Variants in ADAMTSL1 observed in about 807,000 individuals in gnomAD.
ADAMTSL1 encodes the protein ADAMTS-like protein 1.
Under a neutral mutation model 201.8 loss-of-function variants are expected in ADAMTSL1, and 126 were observed. That is an observed-to-expected ratio of 0.62 (90% CI 0.54 to 0.72). The LOEUF (loss-of-function observed/expected upper bound fraction) is 0.72. Ranked by LOEUF, ADAMTSL1 falls within the 30% of genes least tolerant of loss-of-function variation. The pLI, the probability that ADAMTSL1 is intolerant of heterozygous loss-of-function variation, is 0.00. For synonymous variants in ADAMTSL1, 1,121 were observed against 903.4 expected, an observed-to-expected ratio of 1.24 and a Z score of -4.32; for missense variants, 2,679 against 2,277.8, an observed-to-expected ratio of 1.18 and a Z score of -3.59.
intron 1 of ADAMTSL1, among the ~76,000 whole-genome samples, chr9:18,089,173 A>G (rs530542973): frequency 1.1e-3 from 161 of 152,222 alleles, no homozygotes; most frequent in Non-Finnish European, 2.0e-3. Context: ...AAAAAAGAAA[A>G]CAAAAAATTT....
intron 4 of ADAMTSL1, among the ~76,000 whole-genome samples, chr9:18,586,875 G>A (rs1354085162): frequency 1.3e-5 from 2 of 152,058 alleles, no homozygotes; most frequent in African/African-American, 2.4e-5. Context: ...AATGGTGCTG[G>A]GATAACTGGC....
At chr9:18,887,729 TTG>T in intron 23 of ADAMTSL1, 100 bp from the exon 24 acceptor site, 1 of 1,046,240 alleles carries the variant, frequency 9.6e-7, no homozygotes. Context: ...CAAGGCCACA[TTG>T]TGTGTACAAT....
At chr9:18,500,093 C>A (rs958814181) in intron 1 of ADAMTSL1, among the ~76,000 whole-genome samples, 2 of 152,190 alleles carry the variant, frequency 1.3e-5, no homozygotes, top group Admixed American at 6.5e-5. Flanking sequence ...CATAGGAGGT[C>A]ATTCTAAGGT....
At chr9:18,576,347 T>C (rs181307182) in intron 4 of ADAMTSL1, among the ~76,000 whole-genome samples, 11 of 152,210 alleles carry the variant, frequency 7.2e-5, no homozygotes, top group African/African-American at 2.6e-4. Flanking sequence ...GGGAGGTAGT[T>C]TGGGAGAGAA....
intron 2 of ADAMTSL1, among the ~76,000 whole-genome samples, chr9:18,321,279 T>C (rs1028819857): frequency 1.3e-5 from 2 of 152,152 alleles, no homozygotes; most frequent in African/African-American, 4.8e-5. Context: ...CATATGAACT[T>C]AGTAACAAAA....
At position 18,889,559 on chromosome 9, in the gene ADAMTSL1, C is replaced by A. The variant is rs775344145; in HGVS notation, c.4463-9C>A. The A allele has an allele frequency of 6.2e-7, 1 of 1,613,276 alleles. No individual in the cohort carries two copies. Among genetic ancestry groups the A allele is most frequent in the African/African-American group, 1.3e-5 (1 of 74,886 alleles). On this transcript the variant is annotated splice_polypyrimidine_tract_variant and intron_variant, in intron 24 of 28. Coordinates refer to ENST00000380548, the MANE Select transcript of ADAMTSL1 (RefSeq NM_001040272.6). The stretch of plus-strand genomic sequence containing the variant: ...ATTCTTTTCTACACTGCTCCTCCTC[C>A]CATGACAGATTACTGGTGGTCTGTG...
At chr9:18,579,405 T>G in intron 4 of ADAMTSL1, among the ~76,000 whole-genome samples, 2 of 144,540 alleles carry the variant, frequency 1.4e-5, no homozygotes, top group South Asian at 2.3e-4. Context: ...AGATGACGAG[T>G]TAGTGGGTGC....
At chr9:18,477,221 G>A (rs994354771) in intron 1 of ADAMTSL1, among the ~76,000 whole-genome samples, 4 of 152,204 alleles carry the variant, frequency 2.6e-5, no homozygotes, top group African/African-American at 9.7e-5. Context: ...TACACTTGAA[G>A]TCAAATCACT....
chr9:18,852,664 A>C (rs1179263705), intron 23 of ADAMTSL1, among the ~76,000 whole-genome samples: 1 of 152,204 alleles, frequency 6.6e-6, no homozygotes, highest in Admixed American at 6.5e-5. Flanking sequence ...TTCGCCTACT[A>C]AGGAATCAAA....
chr9:18,843,366 C>A lies in ADAMTSL1; in HGVS notation c.4249+13389C>A, dbSNP rs1187777015. ...TTAAGAATGTTGAATATTGGTCCCCCCTCTCTTCTGGCTTGTAGAGTTTCT... is the reference window on the plus strand; with the variant it reads ...TTAAGAATGTTGAATATTGGTCCCCACTCTCTTCTGGCTTGTAGAGTTTCT... On this transcript the variant is annotated intron_variant, in intron 23 of 28. Coordinates refer to ENST00000380548, the MANE Select transcript of ADAMTSL1 (RefSeq NM_001040272.6). Among the ~76,000 whole-genome samples, 327 of 150,120 alleles carry A rather than the reference C, an allele frequency of 2.2e-3. 11 individuals are homozygous for A. Among genetic ancestry groups the A allele is most frequent in the African/African-American group, 7.8e-3 (309 of 39,534 alleles).
intron 1 of ADAMTSL1, among the ~76,000 whole-genome samples, chr9:18,142,226 T>C (rs1379704736): frequency 2.0e-5 from 3 of 152,110 alleles, no homozygotes; most frequent in Non-Finnish European, 2.9e-5. Flanking sequence ...GCTTCTGTTG[T>C]TCCATGCTCC....
intron 2 of ADAMTSL1, among the ~76,000 whole-genome samples, chr9:18,450,625 T>A (rs1820367926): frequency 1.3e-5 from 2 of 151,942 alleles, no homozygotes; most frequent in South Asian, 4.1e-4. Context: ...TGTGCATATG[T>A]GTGTATACAC....
intron 1 of ADAMTSL1, among the ~76,000 whole-genome samples, chr9:18,024,918 G>T (rs1325895948): frequency 6.6e-6 from 1 of 151,910 alleles, no homozygotes; most frequent in Non-Finnish European, 1.5e-5. Context: ...CCACAGCCTT[G>T]CCAGCCTTTG....
rs1820481184 is a variant in ADAMTSL1, at chr9:18,021,548, C to CGATTGTG, written c.87+114627_87+114633dup. ...TTAAATCTCCTCTTTACAAAACAAG[C>CGATTGTG]GATTGTGTCGTGGTTCCATGGGACA... is the stretch of plus-strand genomic sequence containing the variant. On this transcript the variant is annotated intron_variant, in intron 1 of 29. Transcript: ENST00000680146. Among the ~76,000 whole-genome samples the CGATTGTG allele has an allele frequency of 2.6e-5, 4 of 152,132 alleles. No homozygotes were observed. The South Asian group carries it at 8.3e-4, about 32-fold the overall frequency.
chr9:18,094,251 G>C (rs1232041546), intron 1 of ADAMTSL1, among the ~76,000 whole-genome samples: 8 of 152,138 alleles, frequency 5.3e-5, no homozygotes, highest in African/African-American at 1.9e-4. Context: ...TAAGACCCAG[G>C]GAGAAGAAAC....
intron 3 of ADAMTSL1, among the ~76,000 whole-genome samples, chr9:18,552,502 C>G (rs1820848958): frequency 1.3e-5 from 2 of 151,720 alleles, no homozygotes; most frequent in Non-Finnish European, 3.0e-5. Context: ...TCCACACTTT[C>G]TTGTAGAGAA....
intron 2 of ADAMTSL1, among the ~76,000 whole-genome samples, chr9:18,307,111 G>C (rs961028698): frequency 2.0e-4 from 30 of 152,144 alleles, no homozygotes; most frequent in African/African-American, 7.2e-4. Context: ...ATAAGCGAAG[G>C]GGAAATAAAA....
At position 18,117,459 on chromosome 9, in the gene ADAMTSL1, G is replaced by T. The variant is rs74784324; in HGVS notation, c.88-46403G>T. ...CTTGCATTAGCTGTTTCCAAGGACTGGAGAGCTCTTCCTCCAGATACACCC... is the reference window on the plus strand; with the variant it reads ...CTTGCATTAGCTGTTTCCAAGGACTTGAGAGCTCTTCCTCCAGATACACCC... On this transcript the variant is annotated intron_variant, in intron 1 of 29. Coordinates refer to the ADAMTSL1 transcript ENST00000680146. 2.6e-3 allele frequency among the ~76,000 whole-genome samples: 391 copies of T among 152,162 alleles called. 3 individuals are homozygous for T. The highest frequency in any genetic ancestry group is 9.0e-3 in the African/African-American group (374 of 41,512).
chr9:18,852,100 T>C (rs1210735233), intron 23 of ADAMTSL1, among the ~76,000 whole-genome samples: 1 of 152,160 alleles, frequency 6.6e-6, no homozygotes, highest in African/African-American at 2.4e-5. Flanking sequence ...AACAAATCCA[T>C]CTAACCCTAT....
Sources: gnomAD v4.1 joint callset for allele counts (sites outside exome capture counted in the v4.1 genomes callset) on GRCh38, gnomAD v4.1.1 for gene constraint, MANE v1.5 for transcripts, NCBI Gene and HGNC (gene_info 2026-07-23, HGNC 2026-07-21) for gene names.